The following AGL variants were observed in gnomAD, a reference collection of about 807,000 sequenced individuals.
AGL encodes the protein glycogen debranching enzyme.
AGL carries 128 observed loss-of-function variants against 199.3 expected under a neutral mutation model. The observed-to-expected ratio is 0.64, with a 90% CI of 0.56 to 0.74. The LOEUF (loss-of-function observed/expected upper bound fraction) is 0.74. Ranked by LOEUF, AGL falls within the 30% of genes least tolerant of loss-of-function variation. AGL has a pLI of 0.00. For missense variants in AGL, 1,809 were observed against 1,820.8 expected (o/e 0.99, Z 0.12); for synonymous variants, 584 against 594.7 (o/e 0.98, Z 0.26).
intron 7 of AGL, chr1:99,874,370 G>C (rs1160180029): frequency 6.2e-6 from 1 of 160,046 alleles, no homozygotes; most frequent in Admixed American, 6.4e-5. Flanking sequence ...AAAAAGAATA[G>C]AATAAGTGAA....
chr1:99,852,517 A>G (rs1400987635), intron 2 of AGL: 1 of 621,066 alleles, frequency 1.6e-6, no homozygotes, highest in African/African-American at 1.9e-5. Context: ...CTGCAGGCAT[A>G]CATCACTATG....
intron 24 of AGL, among the ~76,000 whole-genome samples, chr1:99,894,180 C>T (rs938343875): frequency 2.0e-5 from 3 of 149,362 alleles, no homozygotes; most frequent in African/African-American, 7.4e-5. Flanking sequence ...AGAGGAGACC[C>T]TGTCTCAAAA....
intron 7 of AGL, among the ~76,000 whole-genome samples, chr1:99,873,570 G>A (rs1571249072): frequency 6.6e-6 from 1 of 152,008 alleles, no homozygotes; most frequent in East Asian, 1.9e-4. Context: ...GAGTAGCTGG[G>A]ATTACAGGCA....
intron 7 of AGL, among the ~76,000 whole-genome samples, chr1:99,871,903 T>TAA (rs1651048984): frequency 6.6e-6 from 1 of 152,006 alleles, no homozygotes; most frequent in Non-Finnish European, 1.5e-5. Context: ...TACTACATAT[T>TAA]GTTTCTTGTA....
At chr1:99,873,249 A>G (rs1317075486) in intron 7 of AGL, among the ~76,000 whole-genome samples, 5 of 152,150 alleles carry the variant, frequency 3.3e-5, no homozygotes, top group Non-Finnish European at 5.9e-5. Flanking sequence ...TTGAAAATCC[A>G]TCCTTTTATA....
chr1:99,854,621 G>A (rs917354505), intron 2 of AGL, among the ~76,000 whole-genome samples: 3 of 151,686 alleles, frequency 2.0e-5, no homozygotes, highest in Admixed American at 6.6e-5. Context: ...AAAATTAGCC[G>A]GGCCTGGTGG....
chr1:99,888,249 T>A, intron 21 of AGL, 141 bp downstream of exon 21: 1 of 1,061,332 alleles, frequency 9.4e-7, no homozygotes, highest in Non-Finnish European at 1.4e-6. Context: ...TAATTGACCT[T>A]TGGCAAGTAA....
At position 99,879,962 on chromosome 1, in the gene AGL, T is replaced by C. The variant is rs748270013; in HGVS notation, c.1651T>C (p.Tyr551His). ...DAARNLQPNLYVVAELFTGSE... is the reference protein window; with the variant it reads ...DAARNLQPNLHVVAELFTGSE... Reference sequence around the variant, plus strand: ...TGCTAGGAATTTGCAACCCAATTTATATGTAGTAGCTGAACTGTTCACAGG... The same window carrying C: ...TGCTAGGAATTTGCAACCCAATTTACATGTAGTAGCTGAACTGTTCACAGG... Residue 551 changes from tyrosine (Y) to histidine (H), a missense_variant, in exon 13 of 34, where the codon TAT becomes CAT. Coordinates refer to ENST00000361915, the MANE Select transcript of AGL (RefSeq NM_000642.3). The C allele has an allele frequency of 1.9e-6, 3 of 1,613,764 alleles. No individual in the cohort carries two copies. The highest frequency in any genetic ancestry group is 2.2e-5 in the East Asian group (1 of 44,780).
In AGL at chr1:99,896,448, C is replaced by T; in HGVS notation, c.3362+60C>T. On this transcript the variant is annotated intron_variant, in intron 25 of 33. Transcript: ENST00000361915. ...TATGTCTGAATGTCTTTTACATGCT[C>T]TTCAAACTTTCCTTCTTGTCCATCT... The T allele has an allele frequency of 1.1e-5, 14 of 1,240,292 alleles. No individual in the cohort carries two copies. The Admixed American group carries it at 2.4e-4, about 21-fold the overall frequency. The allele number at this position is 1,240,292 out of a possible 1,614,324, so 76.8% of individuals were successfully genotyped here.
chr1:99,880,534 TGTG>T (rs1392722315), intron 13 of AGL, 95 bp from the exon 14 acceptor site: 15 of 1,318,032 alleles, frequency 1.1e-5, no homozygotes, highest in African/African-American at 5.8e-5. Context: ...ATAATATTGA[TGTG>T]GTCTTTATTT....
rs1421405852 is a variant in AGL, at chr1:99,877,644, CAGA to C, written c.1430_1432del (p.Glu477del). The C allele has an allele frequency of 6.2e-7, 1 of 1,613,722 alleles. No individual in the cohort carries two copies. Among genetic ancestry groups the C allele is most frequent in the Admixed American group, 1.7e-5 (1 of 59,978 alleles). ...AAGCAATCTCTTTTCTGAACAGGTT[CAGA>C]AGTTTACCTAAGGAGAGAACTTATT... is the stretch of plus-strand genomic sequence containing the variant. On this transcript the variant is annotated inframe_deletion, in exon 12 of 34. Transcript: ENST00000361915.
In AGL at chr1:99,916,741, C is replaced by CA; in HGVS notation, c.4481+11dup. On this transcript the variant is annotated intron_variant, in intron 33 of 33. Transcript: ENST00000361915. ...ATGTTCATCTTGAGAGGTAAGTCATCAGGAGCATGTAATTTCCATAACTAG... is the reference window on the plus strand; with the variant it reads ...ATGTTCATCTTGAGAGGTAAGTCATCAAGGAGCATGTAATTTCCATAACTAG... 6.2e-7 allele frequency: 1 copy of CA among 1,612,034 alleles called. No homozygotes were observed. The highest frequency in any genetic ancestry group is 8.5e-7 in the Non-Finnish European group (1 of 1,178,452).
At chr1:99,901,880 T>C (rs898789578) in intron 26 of AGL, among the ~76,000 whole-genome samples, 2 of 152,152 alleles carry the variant, frequency 1.3e-5, no homozygotes, top group Non-Finnish European at 2.9e-5. Flanking sequence ...ATTTTTTTAT[T>C]TGTCCTCTGT....
chr1:99,914,100 A>G (rs961800932), intron 30 of AGL, among the ~76,000 whole-genome samples: 1 of 152,198 alleles, frequency 6.6e-6, no homozygotes, highest in African/African-American at 2.4e-5. Context: ...CCTGGATATC[A>G]TAATGAAGCC....
intron 24 of AGL, among the ~76,000 whole-genome samples, chr1:99,894,591 T>C (rs1409471221): frequency 6.6e-6 from 1 of 152,212 alleles, no homozygotes; most frequent in African/African-American, 2.4e-5. Context: ...GGAAATTTTG[T>C]ACCGTCATTT....
At chr1:99,901,802 A>T (rs1287762922) in intron 26 of AGL, among the ~76,000 whole-genome samples, 1 of 152,104 alleles carries the variant, frequency 6.6e-6, no homozygotes, top group African/African-American at 2.4e-5. Context: ...AAGCTACTCC[A>T]GGGTTAGCAT....
Position 99,875,262 on chromosome 1 carries a change from A to G in AGL, c.1185+6A>G, listed in dbSNP as rs774123551. Reference sequence around the variant, plus strand: ...TTAACTATCATCAGGAACAGGTTTTACTTATTTTTGAACTGCTGCTTTTCC... The same window carrying G: ...TTAACTATCATCAGGAACAGGTTTTGCTTATTTTTGAACTGCTGCTTTTCC... On this transcript the variant is annotated splice_donor_region_variant and intron_variant, in intron 9 of 33. Coordinates refer to ENST00000361915, the MANE Select transcript of AGL (RefSeq NM_000642.3). 6.2e-7 allele frequency: 1 copy of G among 1,613,500 alleles called. No homozygotes were observed. Among genetic ancestry groups the G allele is most frequent in the African/African-American group, 1.3e-5 (1 of 74,918 alleles).
At chr1:99,864,814 G>T (rs1386758510) in intron 5 of AGL, among the ~76,000 whole-genome samples, 1 of 152,098 alleles carries the variant, frequency 6.6e-6, no homozygotes, top group African/African-American at 2.4e-5. Flanking sequence ...TAAGTATCTT[G>T]CATCTGTTGC....
Position 99,877,744 on chromosome 1 carries a change from G to GA in AGL, c.1533dup (p.Tyr512IlefsTer3), listed in dbSNP as rs776733170. The GA allele has an allele frequency of 7.4e-6, 12 of 1,613,888 alleles. No individual in the cohort carries two copies. The highest frequency in any genetic ancestry group is 1.0e-5 in the Non-Finnish European group (12 of 1,179,970). ...ACTGTCCTTATCTCTGGGCACACAT[G>GA]AAAAAATACACTGAAATAACTGCAA... On this transcript the variant is annotated frameshift_variant, in exon 12 of 34. Coordinates refer to ENST00000361915, the MANE Select transcript of AGL (RefSeq NM_000642.3). LOFTEE classifies it high-confidence loss of function.
Sources: gnomAD v4.1 joint callset for allele counts (sites outside exome capture counted in the v4.1 genomes callset) on GRCh38, gnomAD v4.1.1 for gene constraint, MANE v1.5 for transcripts, NCBI Gene and HGNC (gene_info 2026-07-23, HGNC 2026-07-21) for gene names.